Variants in PLCB1 observed in about 807,000 individuals in gnomAD.
PLCB1 encodes the protein phospholipase C beta 1.
A neutral mutation model predicts 161.8 loss-of-function variants in PLCB1; 46 were observed. The observed-to-expected ratio is 0.28, with a 90% CI of 0.22 to 0.36. The LOEUF (loss-of-function observed/expected upper bound fraction) is 0.36, where lower values mean the gene tolerates loss of function less well. Ranked by LOEUF, PLCB1 falls within the 10% of genes least tolerant of loss-of-function variation. PLCB1 has a pLI of 1.00. For missense variants in PLCB1, 1,016 were observed against 1,472.5 expected (o/e 0.69, Z 5.07); for synonymous variants, 517 against 503.7 (o/e 1.03, Z -0.35).
intron 2 of PLCB1, among the ~76,000 whole-genome samples, chr20:8,362,458 A>G (rs372909616): frequency 2.6e-5 from 4 of 152,352 alleles, no homozygotes; most frequent in East Asian, 1.9e-4. Flanking sequence ...GCATGCAACT[A>G]TACCATAAAT....
chr20:8,592,720 G>A (rs1324801907), intron 3 of PLCB1, among the ~76,000 whole-genome samples: 1 of 152,202 alleles, frequency 6.6e-6, no homozygotes, highest in African/African-American at 2.4e-5. Flanking sequence ...AAAAGTTTCA[G>A]ATTTTGAAGC....
intron 31 of PLCB1, among the ~76,000 whole-genome samples, chr20:8,795,877 C>CAAA (rs368453811): frequency 1.4e-5 from 1 of 71,754 alleles, no homozygotes; most frequent in Admixed American, 1.5e-4. Flanking sequence ...CACCCTGTCT[C>CAAA]AAAAAAAAAA....
chr20:8,760,277 T>C, intron 24 of PLCB1, 130 bp from the exon 25 acceptor site: 1 of 584,806 alleles, frequency 1.7e-6, no homozygotes, highest in Non-Finnish European at 3.0e-6. Context: ...TTATAAAGAA[T>C]TTTCTCACAC....
At chr20:8,796,531 A>G (rs1050060476) in intron 31 of PLCB1, among the ~76,000 whole-genome samples, 1 of 152,234 alleles carries the variant, frequency 6.6e-6, no homozygotes, top group Non-Finnish European at 1.5e-5. Context: ...CCAAACTTGC[A>G]GAGTGGAAAC....
chr20:8,242,100 G>A (rs1244868963), intron 2 of PLCB1, among the ~76,000 whole-genome samples: 5 of 151,958 alleles, frequency 3.3e-5, no homozygotes, highest in Admixed American at 1.3e-4. Flanking sequence ...GACTCCCTGT[G>A]TCTCTCCAGA....
At chr20:8,171,780 A>G (rs2051735285) in intron 2 of PLCB1, among the ~76,000 whole-genome samples, 2 of 152,162 alleles carry the variant, frequency 1.3e-5, no homozygotes, top group Admixed American at 1.3e-4. Context: ...TCTTTTAAAG[A>G]GAGAAGCTGT....
rs140533744 is a variant in PLCB1 at position 8,425,169 on chromosome 20, T to A, written c.246+53719T>A. On this transcript the variant is annotated intron_variant, in intron 3 of 31. Transcript: ENST00000338037. ...TTTAACTTAAGATACATGAATCCTCTGGGCTGCGTTCTGTCCTTGGCTGCT... is the reference window on the plus strand; with the variant it reads ...TTTAACTTAAGATACATGAATCCTCAGGGCTGCGTTCTGTCCTTGGCTGCT... Among the ~76,000 whole-genome samples, 64 of 151,536 alleles carry A rather than the reference T, an allele frequency of 4.2e-4. 1 individual carries two copies. Among genetic ancestry groups the A allele is most frequent in the African/African-American group, 1.5e-3 (62 of 41,306 alleles).
At chr20:8,466,199 T>C (rs1981813586) in intron 3 of PLCB1, among the ~76,000 whole-genome samples, 2 of 151,900 alleles carry the variant, frequency 1.3e-5, no homozygotes, top group South Asian at 4.1e-4. Flanking sequence ...TTGGAAATCA[T>C]CATTCTCAGT....
intron 3 of PLCB1, among the ~76,000 whole-genome samples, chr20:8,402,182 T>C (rs1978583385): frequency 6.6e-6 from 1 of 152,210 alleles, no homozygotes; most frequent in Non-Finnish European, 1.5e-5. Context: ...TTAATTTTCA[T>C]TTGAATTTCA....
intron 27 of PLCB1, among the ~76,000 whole-genome samples, chr20:8,775,648 A>G (rs1982906633): frequency 6.6e-6 from 1 of 152,200 alleles, no homozygotes; most frequent in Non-Finnish European, 1.5e-5. Flanking sequence ...GTATGCAATG[A>G]GTAGATCAAA....
chr20:8,545,815 G>A (rs545022043), intron 3 of PLCB1, among the ~76,000 whole-genome samples: 3 of 152,166 alleles, frequency 2.0e-5, no homozygotes, highest in Non-Finnish European at 2.9e-5. Flanking sequence ...TCTTCTATAC[G>A]GCACACATTT....
intron 10 of PLCB1, among the ~76,000 whole-genome samples, chr20:8,687,559 C>G (rs1165263705): frequency 6.6e-6 from 1 of 152,112 alleles, no homozygotes; most frequent in African/African-American, 2.4e-5. Context: ...TAGCTTAGCT[C>G]CCACATATCA....
chr20:8,392,911 T>C (rs897626852), intron 3 of PLCB1, among the ~76,000 whole-genome samples: 16 of 152,196 alleles, frequency 1.1e-4, no homozygotes, highest in Non-Finnish European at 2.2e-4. Context: ...TTATCTTATG[T>C]GAAAAGTGGC....
chr20:8,754,350 A>G (rs572593547), intron 23 of PLCB1, among the ~76,000 whole-genome samples: 1 of 151,798 alleles, frequency 6.6e-6, no homozygotes, highest in African/African-American at 2.4e-5. Flanking sequence ...TCCAGTTTGA[A>G]TGCACCTCCA....
intron 16 of PLCB1, among the ~76,000 whole-genome samples, chr20:8,726,238 G>A (rs754334305): frequency 5.3e-5 from 8 of 152,234 alleles, no homozygotes; most frequent in Non-Finnish European, 8.8e-5. Flanking sequence ...TTTTAGTGGG[G>A]ATGAGGGTAG....
intron 22 of PLCB1, 58 bp downstream of exon 22, chr20:8,740,506 C>T (rs1372580885): frequency 1.0e-6 from 1 of 994,958 alleles, no homozygotes; most frequent in Non-Finnish European, 1.5e-6. Context: ...TCTGAGTCAC[C>T]ATATATTTTT....
intron 2 of PLCB1, 101 bp from the exon 3 acceptor site, chr20:8,371,281 A>C (rs1365425937): frequency 4.2e-6 from 3 of 708,698 alleles, no homozygotes; most frequent in Non-Finnish European, 7.3e-6. Context: ...AGAAGTCTTC[A>C]GTCAAGTCTC....
At chr20:8,436,935 G>T (rs140050182) in intron 3 of PLCB1, among the ~76,000 whole-genome samples, 1 of 152,010 alleles carries the variant, frequency 6.6e-6, no homozygotes, top group Non-Finnish European at 1.5e-5. Context: ...GATCACAGGC[G>T]TGTGCCACCA....
intron 2 of PLCB1, among the ~76,000 whole-genome samples, chr20:8,340,550 G>A (rs1985765257): frequency 1.3e-5 from 2 of 151,970 alleles, no homozygotes; most frequent in South Asian, 2.1e-4. Flanking sequence ...AGCCTCCCGC[G>A]TAGCTGGGAC....
Sources: allele counts gnomAD v4.1 joint callset (sites outside exome capture counted in the v4.1 genomes callset), GRCh38; gene constraint gnomAD v4.1.1; transcripts MANE v1.5; gene names NCBI Gene and HGNC (gene_info 2026-07-23, HGNC 2026-07-21).